Variants in SETBP1 observed in about 807,000 individuals in gnomAD.
SETBP1 encodes SET binding protein 1, also known as SET-binding protein.
Under a neutral mutation model 101.0 loss-of-function variants are expected in SETBP1, and 9 were observed. The ratio of observed to expected loss-of-function variants is 0.09; its 90% confidence interval spans 0.05 to 0.16. SETBP1 has a LOEUF of 0.16. Ranked by LOEUF, SETBP1 falls within the 10% of genes least tolerant of loss-of-function variation. The probability of loss-of-function intolerance (pLI) is 1.00; values close to 1 mark genes in which losing one functional copy is unlikely to be tolerated. For synonymous variants in SETBP1, 818 were observed against 788.5 expected (o/e 1.04, Z -0.63); for missense variants, 1,858 against 2,033.8 (o/e 0.91, Z 1.66).
At chr18:44,737,571 G>T (rs147245764) in intron 2 of SETBP1, among the ~76,000 whole-genome samples, 183 of 152,350 alleles carry the variant, frequency 1.2e-3, no homozygotes, top group Non-Finnish European at 2.2e-3. Flanking sequence ...AGAAGACACA[G>T]ATTCTACTTC....
At chr18:44,854,171 G>C (rs1271698222) in intron 2 of SETBP1, among the ~76,000 whole-genome samples, 1 of 151,792 alleles carries the variant, frequency 6.6e-6, no homozygotes, top group East Asian at 1.9e-4. Context: ...GCATCACAAG[G>C]CCTGGCACTT....
intron 3 of SETBP1, among the ~76,000 whole-genome samples, chr18:44,913,566 G>T (rs1035619610): frequency 6.6e-6 from 1 of 152,212 alleles, no homozygotes. Context: ...GGCACGAAGG[G>T]CCTGGAAAAC....
At chr18:44,738,195 A>T (rs977423046) in intron 2 of SETBP1, among the ~76,000 whole-genome samples, 2 of 152,166 alleles carry the variant, frequency 1.3e-5, no homozygotes, top group African/African-American at 2.4e-5. Flanking sequence ...AGAGACTCAG[A>T]TGCTGAGGTC....
intron 2 of SETBP1, among the ~76,000 whole-genome samples, chr18:44,705,029 C>G (rs146209571): frequency 6.6e-6 from 1 of 152,220 alleles, no homozygotes; most frequent in East Asian, 1.9e-4. Context: ...CTTTGAGCTG[C>G]TAGTGATTCC....
chr18:45,040,493 G>A (rs1006926006), intron 5 of SETBP1, among the ~76,000 whole-genome samples: 3 of 152,176 alleles, frequency 2.0e-5, no homozygotes, highest in Non-Finnish European at 4.4e-5. Flanking sequence ...CAACCTTGTC[G>A]ATTAAGCACT....
chr18:44,876,473 C>A, intron 3 of SETBP1: 6 of 883,742 alleles, frequency 6.8e-6, no homozygotes, highest in Middle Eastern at 3.3e-4. Flanking sequence ...GTCCTAACCC[C>A]TGTAGTGTGG....
intron 4 of SETBP1, among the ~76,000 whole-genome samples, chr18:45,006,193 C>T (rs989745863): frequency 2.0e-5 from 3 of 151,864 alleles, no homozygotes; most frequent in East Asian, 3.9e-4. Flanking sequence ...ACCTCATGAT[C>T]CTCCCACCTT....
chr18:44,894,351 C>T (rs1168217640), intron 3 of SETBP1, among the ~76,000 whole-genome samples: 6 of 152,044 alleles, frequency 3.9e-5, no homozygotes, highest in African/African-American at 1.4e-4. Context: ...TTGCAGTTTG[C>T]CTCCCTAGTA....
In SETBP1 at chr18:45,039,532, G is replaced by A. The variant is rs534479576; in HGVS notation, c.4171+877G>A. ...TGCAGTTCCCCTCATTTCGTAGACTGCAACTTCTCCCATGTAACAAAATTG... is the reference window on the plus strand; with the variant it reads ...TGCAGTTCCCCTCATTTCGTAGACTACAACTTCTCCCATGTAACAAAATTG... On this transcript the variant is annotated intron_variant, in intron 5 of 5. Coordinates refer to ENST00000649279, the MANE Select transcript of SETBP1 (RefSeq NM_015559.3). Among the ~76,000 whole-genome samples, 63 of 152,308 alleles carry A rather than the reference G, an allele frequency of 4.1e-4. 2 individuals are homozygous for A. In the South Asian group the frequency reaches 0.013, roughly 32 times the overall value.
intron 4 of SETBP1, among the ~76,000 whole-genome samples, chr18:45,024,459 A>G (rs2073126791): frequency 6.6e-6 from 1 of 152,096 alleles, no homozygotes; most frequent in Non-Finnish European, 1.5e-5. Context: ...TCTCTCTACC[A>G]GTTCCAAACC....
At chr18:44,806,099 A>C (rs2071727584) in intron 2 of SETBP1, among the ~76,000 whole-genome samples, 1 of 152,200 alleles carries the variant, frequency 6.6e-6, no homozygotes, top group African/African-American at 2.4e-5. Context: ...CCATGTGTGC[A>C]TACATGCACC....
chr18:44,699,269 T>C (rs1049138678), intron 1 of SETBP1, among the ~76,000 whole-genome samples: 1 of 152,188 alleles, frequency 6.6e-6, no homozygotes, highest in African/African-American at 2.4e-5. Flanking sequence ...AAACATGGCT[T>C]GCAATTTGCA....
intron 5 of SETBP1, among the ~76,000 whole-genome samples, chr18:45,059,147 C>A (rs770118099): frequency 8.5e-5 from 13 of 152,180 alleles, no homozygotes; most frequent in Non-Finnish European, 1.5e-4. Context: ...ATGTACCCAT[C>A]AATATCAACT....
At chr18:45,047,878 C>T (rs1329170973) in intron 5 of SETBP1, among the ~76,000 whole-genome samples, 1 of 152,134 alleles carries the variant, frequency 6.6e-6, no homozygotes, top group African/African-American at 2.4e-5. Context: ...AGATCACTCA[C>T]CTGTCTGCTC....
At chr18:44,817,579 GGAGACT>G (rs2072007180) in intron 2 of SETBP1, among the ~76,000 whole-genome samples, 1 of 151,894 alleles carries the variant, frequency 6.6e-6, no homozygotes, top group Admixed American at 6.6e-5. Flanking sequence ...CAGCTAATCG[GGAGACT>G]GAGACAGGAG....
At chr18:44,790,318 A>G (rs1404927354) in intron 2 of SETBP1, among the ~76,000 whole-genome samples, 1 of 152,230 alleles carries the variant, frequency 6.6e-6, no homozygotes, top group African/African-American at 2.4e-5. Flanking sequence ...ACCTTGAAAG[A>G]TAAAAGGCAA....
intron 3 of SETBP1, among the ~76,000 whole-genome samples, chr18:44,920,560 A>T (rs1429034336): frequency 6.6e-6 from 1 of 152,216 alleles, no homozygotes; most frequent in Non-Finnish European, 1.5e-5. Flanking sequence ...GGGTGCAGGA[A>T]GATCAGACGA....
rs367998217 is a variant in SETBP1, at chr18:44,961,912, G to T, written c.4000+8572G>T. On this transcript the variant is annotated intron_variant, in intron 4 of 5. Coordinates refer to ENST00000649279, the MANE Select transcript of SETBP1 (RefSeq NM_015559.3). The stretch of plus-strand genomic sequence containing the variant: ...TTCTGTTACTGAGCCATGTACAAAG[G>T]ATTATAGATGAAAGCCTAACTGTCA... 4.9e-4 allele frequency among the ~76,000 whole-genome samples: 74 copies of T among 152,278 alleles called. 1 individual carries two copies. Among genetic ancestry groups the T allele is most frequent in the African/African-American group, 1.7e-3 (69 of 41,558 alleles).
intron 3 of SETBP1, among the ~76,000 whole-genome samples, chr18:44,887,349 C>T (rs2069671890): frequency 6.6e-6 from 1 of 152,114 alleles, no homozygotes; most frequent in African/African-American, 2.4e-5. Context: ...GTCATTCACA[C>T]CCAGAAATTA....
Sources: allele counts gnomAD v4.1 joint callset (sites outside exome capture counted in the v4.1 genomes callset), GRCh38; gene constraint gnomAD v4.1.1; transcripts MANE v1.5; gene names NCBI Gene and HGNC (gene_info 2026-07-23, HGNC 2026-07-21).